IL19: variants seen among roughly 807,000 people sequenced by gnomAD.
IL19 encodes the protein interleukin 19, also known as interleukin-19.
In IL19, 15 loss-of-function variants were observed where a neutral mutation model predicts 19.5. That is an observed-to-expected ratio of 0.77 (90% CI 0.52 to 1.19). The LOEUF (loss-of-function observed/expected upper bound fraction) is 1.19. Ranked by LOEUF, IL19 falls within the 50% of genes most tolerant of loss-of-function variation. IL19 has a pLI of 0.00. For synonymous variants in IL19, 78 were observed against 78.3 expected (o/e 1.00, Z 0.02); for missense variants, 199 against 213.1 (o/e 0.93, Z 0.41).
Position 206,841,066 on chromosome 1 carries a change from C to G in IL19, c.426C>G (p.Asp142Glu). ...CCAATGCCACCAGAGTCATCCATGA[C>G]AACTATGATCAGGTAAGATCTGGGA... ...EATNATRVIH[D>E]NYDQLEVHAA... The change falls in exon 6 of 7, where the codon GAC becomes GAG. Residue 142 changes from aspartate (D) to glutamate (E), a missense_variant. Transcript: ENST00000659997. 6.2e-7 allele frequency: 1 copy of G among 1,613,690 alleles called. No homozygotes were observed. Among genetic ancestry groups the G allele is most frequent in the Non-Finnish European group, 8.5e-7 (1 of 1,179,584 alleles).
chr1:206,818,253 C>T (rs1427680661), intron 2 of IL19, among the ~76,000 whole-genome samples: 2 of 152,202 alleles, frequency 1.3e-5, no homozygotes, highest in African/African-American at 4.8e-5. Flanking sequence ...TTTACCAAGA[C>T]AGACCATATT....
chr1:206,823,539 G>A (rs1438976418), intron 2 of IL19, among the ~76,000 whole-genome samples: 4 of 150,606 alleles, frequency 2.7e-5, no homozygotes, highest in African/African-American at 9.8e-5. Context: ...TGGTGACAGC[G>A]AGACTCCGTC....
chr1:206,816,053 CA>C (rs1190844768), intron 2 of IL19, among the ~76,000 whole-genome samples: 1 of 151,756 alleles, frequency 6.6e-6, no homozygotes, highest in African/African-American at 2.4e-5. Context: ...CAAAACAAAA[CA>C]AAAAAACCTG....
chr1:206,836,854 C>T, intron 3 of IL19, 48 bp downstream of exon 3: 1 of 1,610,042 alleles, frequency 6.2e-7, no homozygotes, highest in Non-Finnish European at 8.5e-7. Flanking sequence ...TATCCCTCCC[C>T]TTACATCTTA....
intron 5 of IL19, 157 bp downstream of exon 5, chr1:206,840,159 T>G (rs2102491921): frequency 1.2e-6 from 1 of 826,910 alleles, no homozygotes; most frequent in Non-Finnish European, 2.0e-6. Context: ...CCTCTCCCAG[T>G]GGCCACTGCT....
intron 2 of IL19, among the ~76,000 whole-genome samples, chr1:206,808,332 C>T (rs1675905965): frequency 6.6e-6 from 1 of 152,210 alleles, no homozygotes; most frequent in East Asian, 1.9e-4. Flanking sequence ...TCCATCTAAA[C>T]AAAAATAAAC....
At chr1:206,838,756 C>G (rs1018477409) in intron 4 of IL19, among the ~76,000 whole-genome samples, 1 of 126,830 alleles carries the variant, frequency 7.9e-6, no homozygotes, top group Non-Finnish European at 1.7e-5. Context: ...CTTCCCTTCC[C>G]TTCCCTTCCC....
In IL19 at chr1:206,772,324, G is replaced by C. The variant is rs932830694; in HGVS notation, c.-149+1246G>C. 1.2e-6 allele frequency: 2 copies of C among 1,614,180 alleles called. No homozygotes were observed. The highest frequency in any genetic ancestry group is 1.3e-5 in the African/African-American group (1 of 75,056). ...TCTCGGAGATCTCGAAGCATGTTAG[G>C]CAGGTTGCCTGGGAAGTGGGTGCAG... is the stretch of plus-strand genomic sequence containing the variant. On this transcript the variant is annotated intron_variant, in intron 1 of 6. Transcript: ENST00000659997.
chr1:206,797,176 T>C (rs898220227), intron 1 of IL19, among the ~76,000 whole-genome samples: 1 of 152,218 alleles, frequency 6.6e-6, no homozygotes, highest in Non-Finnish European at 1.5e-5. Context: ...TTAAGTCACT[T>C]GTCCGGGGTC....
At chr1:206,776,909 CAAAAAAAA>C (rs1186364224) in intron 1 of IL19, among the ~76,000 whole-genome samples, 7 of 50,470 alleles carry the variant, frequency 1.4e-4, no homozygotes, top group African/African-American at 4.7e-4. Flanking sequence ...CTTGCAACTA[CAAAAAAAA>C]AAAAAAAAAA....
intron 2 of IL19, among the ~76,000 whole-genome samples, chr1:206,819,090 C>T (rs935045009): frequency 4.0e-5 from 6 of 151,394 alleles, no homozygotes; most frequent in African/African-American, 9.7e-5. Flanking sequence ...GGATTACAGG[C>T]GTGAGCCACC....
chr1:206,841,053 G>C lies in IL19; in HGVS notation c.413G>C (p.Arg138Thr). Residue 138 changes from arginine (R) to threonine (T), a missense_variant, in exon 6 of 7, where the codon AGA (arginine) becomes ACA (threonine). Physicochemically the swap from Arg to Thr is moderately conservative, Grantham distance 71. Transcript: ENST00000659997. ...HCRQEATNAT[R>T]VIHDNYDQLE... Reference sequence around the variant, plus strand: ...AGGCAGGAAGCCACCAATGCCACCAGAGTCATCCATGACAACTATGATCAG... The same window carrying C: ...AGGCAGGAAGCCACCAATGCCACCACAGTCATCCATGACAACTATGATCAG... The C allele has an allele frequency of 6.2e-7, 1 of 1,614,120 alleles. No homozygotes were observed. The highest frequency in any genetic ancestry group is 8.5e-7 in the Non-Finnish European group (1 of 1,179,956).
intron 1 of IL19, among the ~76,000 whole-genome samples, chr1:206,781,171 C>T (rs541900100): frequency 3.6e-4 from 54 of 152,004 alleles, no homozygotes; most frequent in African/African-American, 1.2e-3. Flanking sequence ...AGGGGCCAGG[C>T]GCGGTGGCTC....
At chr1:206,833,527 T>C (rs1017342229) in intron 2 of IL19, among the ~76,000 whole-genome samples, 2 of 152,260 alleles carry the variant, frequency 1.3e-5, no homozygotes, top group Non-Finnish European at 2.9e-5. Context: ...CCCCTGGAAA[T>C]TTTATTTAAT....
chr1:206,820,973 TC>T (rs1031181692), intron 2 of IL19, among the ~76,000 whole-genome samples: 6 of 152,302 alleles, frequency 3.9e-5, no homozygotes, highest in African/African-American at 1.4e-4. Context: ...TTCCCTGATA[TC>T]CCCTGCCCCC....
intron 2 of IL19, among the ~76,000 whole-genome samples, chr1:206,827,646 G>T (rs573186860): frequency 6.6e-6 from 1 of 151,454 alleles, no homozygotes; most frequent in African/African-American, 2.4e-5. Context: ...AGCCGAGATC[G>T]TGCCACTGCA....
At position 206,770,927 on chromosome 1, in the gene IL19, TGA is replaced by T; in HGVS notation, c.-298_-297del. On this transcript the variant is annotated 5_prime_UTR_variant, in exon 1 of 7. It removes the in-frame stop codon of an upstream open reading frame in the 5' UTR. Transcript: ENST00000659997. ...CTTACACAGCGCCGTAGCCTCAGCCTGAGGGTCTTCAGGTTCTCCCCCAGGGA... is the reference window on the plus strand; with the variant it reads ...CTTACACAGCGCCGTAGCCTCAGCCTGGGTCTTCAGGTTCTCCCCCAGGGA... 1 of 1,614,176 alleles carries T rather than the reference TGA, an allele frequency of 6.2e-7. No individual in the cohort carries two copies. Among genetic ancestry groups the T allele is most frequent in the Non-Finnish European group, 8.5e-7 (1 of 1,180,024 alleles).
At chr1:206,792,321 C>T (rs1057385636) in intron 1 of IL19, among the ~76,000 whole-genome samples, 1 of 152,170 alleles carries the variant, frequency 6.6e-6, no homozygotes, top group African/African-American at 2.4e-5. Flanking sequence ...TACCCCTCTG[C>T]CCCTCCATTA....
At chr1:206,773,475 CAAGGAA>C (rs1674913256) in intron 1 of IL19, among the ~76,000 whole-genome samples, 9 of 152,104 alleles carry the variant, frequency 5.9e-5, no homozygotes, top group Admixed American at 5.9e-4. Context: ...GTTGAAATAA[CAAGGAA>C]AAGAAGTCAG....
Sources: allele counts gnomAD v4.1 joint callset (sites outside exome capture counted in the v4.1 genomes callset), GRCh38; gene constraint gnomAD v4.1.1; transcripts MANE v1.5; gene names NCBI Gene and HGNC (gene_info 2026-07-23, HGNC 2026-07-21).